Variants in PADI3 observed in about 807,000 individuals in gnomAD.
PADI3 encodes the protein protein-arginine deiminase type-3.
PADI3 carries 53 observed loss-of-function variants against 71.5 expected under a neutral mutation model. That is an observed-to-expected ratio of 0.74 (90% CI 0.59 to 0.93). PADI3 has a LOEUF of 0.93. Among genes scored for constraint, PADI3 ranks in the 40% least tolerant of loss-of-function variants. The probability of loss-of-function intolerance (pLI) is 0.00; values close to 1 mark genes in which losing one functional copy is unlikely to be tolerated. For synonymous variants in PADI3, 361 were observed against 347.5 expected (o/e 1.04, Z -0.43); for missense variants, 821 against 868.0 (o/e 0.95, Z 0.68).
intron 15 of PADI3, among the ~76,000 whole-genome samples, chr1:17,281,442 C>A (rs1030630638): frequency 3.6e-5 from 1 of 27,598 alleles, no homozygotes; most frequent in Non-Finnish European, 9.0e-5. Flanking sequence ...ATCTTTTTTT[C>A]TTTTTTTCTT....
intron 3 of PADI3, among the ~76,000 whole-genome samples, chr1:17,264,427 G>A (rs6682638): frequency 0.093 from 14,069 of 151,584 alleles, 694 homozygotes; most frequent in South Asian, 0.2. Flanking sequence ...CCCAAGAAAT[G>A]AAACACTACC....
chr1:17,280,864 A>G (rs2100605765), intron 15 of PADI3, 68 bp downstream of exon 15: 1 of 1,574,566 alleles, frequency 6.4e-7, no homozygotes, highest in South Asian at 1.1e-5. Flanking sequence ...GAGAGGAAAA[A>G]TGTCTGGTCA....
chr1:17,278,889 C>T (rs1351173273), intron 13 of PADI3, among the ~76,000 whole-genome samples: 1 of 152,152 alleles, frequency 6.6e-6, no homozygotes, highest in Non-Finnish European at 1.5e-5. Flanking sequence ...TGTTTGCTAG[C>T]GTTAACTTCT....
chr1:17,268,806 C>T (rs767897908), intron 6 of PADI3, among the ~76,000 whole-genome samples: 2 of 151,574 alleles, frequency 1.3e-5, no homozygotes, highest in Non-Finnish European at 2.9e-5. Flanking sequence ...CGTGCCTGGC[C>T]GCTTATTTTT....
intron 1 of PADI3, among the ~76,000 whole-genome samples, chr1:17,257,752 T>C (rs532095814): frequency 2.6e-5 from 4 of 152,162 alleles, no homozygotes; most frequent in Non-Finnish European, 4.4e-5. Flanking sequence ...TGAGGGAAGA[T>C]GGGAAGCGGG....
At chr1:17,274,385 C>A (rs369663741) in intron 10 of PADI3, among the ~76,000 whole-genome samples, 1 of 152,220 alleles carries the variant, frequency 6.6e-6, no homozygotes, top group African/African-American at 2.4e-5. Context: ...GCAACCGGAG[C>A]GCCCCCTGCT....
rs1253055403 is a variant in PADI3 at position 17,283,726 on chromosome 1, G to C, written c.*647G>C. The C allele has an allele frequency of 6.6e-6, 1 of 152,292 alleles. No individual in the cohort carries two copies. The highest frequency in any genetic ancestry group is 2.1e-4 in the South Asian group (1 of 4,832). 9.4% of individuals were successfully genotyped at this position (152,292 alleles called of 1,614,324 possible). On this transcript the variant is annotated 3_prime_UTR_variant, in exon 16 of 16. Transcript: ENST00000375460. ...TGGAAGCAATGAGAGTTGTCCCTTA[G>C]CCTTATAAACTCCCCATGATCTGAC...
intron 1 of PADI3, among the ~76,000 whole-genome samples, chr1:17,256,431 G>T (rs1430133774): frequency 6.6e-6 from 1 of 152,234 alleles, no homozygotes; most frequent in Admixed American, 6.5e-5. Flanking sequence ...CCCTCGGCTT[G>T]CAGCCCCTCC....
chr1:17,251,207 G>T (rs1011013301), intron 1 of PADI3, among the ~76,000 whole-genome samples: 2 of 152,244 alleles, frequency 1.3e-5, no homozygotes, highest in African/African-American at 4.8e-5. Flanking sequence ...AGCCAGCAGA[G>T]GCTGGACAAC....
rs994482756 is a variant in PADI3, at chr1:17,265,583, G to A, written c.347-76G>A. ...AATGACTTGCCTTTGCTCAGCCCCA[G>A]ACAAGCCCTGAGATCAAGGCCTGCC... On this transcript the variant is annotated intron_variant, in intron 3 of 15. Transcript: ENST00000375460. The A allele has an allele frequency of 8.9e-5, 117 of 1,316,724 alleles. No individual in the cohort carries two copies. The African/African-American group carries it at 1.6e-3, about 18-fold the overall frequency. 81.6% of individuals were successfully genotyped at this position (1,316,724 alleles called of 1,614,324 possible).
In PADI3 at chr1:17,259,653, G is replaced by A. The variant is rs1275283999; in HGVS notation, c.168G>A (p.Met56Ile). 6.2e-7 allele frequency: 1 copy of A among 1,613,924 alleles called. No individual in the cohort carries two copies. The highest frequency in any genetic ancestry group is 2.2e-5 in the East Asian group (1 of 44,866). ...TGGACATCTACATCTCTCCCAACAT[G>A]GAGAGGGGCCGGGAGCGTGCAGACA... ...PGVDIYISPN[M>I]ERGRERADTR... The change falls in exon 2 of 16, where the codon ATG becomes ATA. Residue 56 changes from methionine (M) to isoleucine (I), a missense_variant. Met to Ile is a conservative substitution (Grantham distance 10). Transcript: ENST00000375460.
intron 2 of PADI3, among the ~76,000 whole-genome samples, chr1:17,261,556 T>A (rs2073103290): frequency 6.6e-6 from 1 of 152,250 alleles, no homozygotes; most frequent in Admixed American, 6.5e-5. Context: ...ACCTGCCCAC[T>A]GATAACAGTA....
intron 1 of PADI3, among the ~76,000 whole-genome samples, chr1:17,251,468 GATA>G (rs1413525898): frequency 6.6e-6 from 1 of 152,198 alleles, no homozygotes; most frequent in Non-Finnish European, 1.5e-5. Flanking sequence ...GCCTGGGGAT[GATA>G]ATAATATCAG....
intron 3 of PADI3, among the ~76,000 whole-genome samples, chr1:17,264,641 C>T (rs926577230): frequency 2.0e-5 from 3 of 152,134 alleles, no homozygotes; most frequent in Non-Finnish European, 4.4e-5. Flanking sequence ...TTGCGTTGGG[C>T]GTCTTTTGCC....
At chr1:17,257,694 G>C (rs2073045303) in intron 1 of PADI3, among the ~76,000 whole-genome samples, 1 of 152,246 alleles carries the variant, frequency 6.6e-6, no homozygotes, top group South Asian at 2.1e-4. Context: ...AGAGAATCAT[G>C]TTGGTGGAAG....
intron 9 of PADI3, 124 bp from the exon 10 acceptor site, chr1:17,273,216 G>A (rs1021977053): frequency 1.5e-6 from 1 of 687,936 alleles, no homozygotes; most frequent in Non-Finnish European, 2.4e-6. Flanking sequence ...CCGCCTCCAA[G>A]CACAAAACAT....
Position 17,276,600 on chromosome 1 carries a change from G to A in PADI3, c.1389G>A (p.Val463=). The A allele has an allele frequency of 1.2e-6, 2 of 1,614,176 alleles. No homozygotes were observed. Among genetic ancestry groups the A allele is most frequent in the Non-Finnish European group, 1.7e-6 (2 of 1,180,030 alleles). ...TGCAGCCCCCCGTGGAGCTCTTTGT[G>A]GACTGGTTGGCCGTGGGCCATGTGG... ...QKVQPPVELF[V]DWLAVGHVDE... The change falls in exon 12 of 16, where the codon GTG becomes GTA. Residue 463 remains valine (V), a synonymous_variant. Transcript: ENST00000375460.
At chr1:17,265,185 G>C (rs1014447314) in intron 3 of PADI3, among the ~76,000 whole-genome samples, 13 of 151,978 alleles carry the variant, frequency 8.6e-5, no homozygotes, top group African/African-American at 2.7e-4. Context: ...AGGGCTAAAT[G>C]TTAAGAAGGT....
chr1:17,271,191 A>G lies in PADI3; in HGVS notation c.1047+13A>G. On this transcript the variant is annotated intron_variant, in intron 9 of 15. Coordinates refer to ENST00000375460, the MANE Select transcript of PADI3 (RefSeq NM_016233.2). Reference sequence around the variant, plus strand: ...CCGCTGGATCCAGGTAACCACAGCCACTGGGCAGGGCCCAGCAAGGACGCC... The same window carrying G: ...CCGCTGGATCCAGGTAACCACAGCCGCTGGGCAGGGCCCAGCAAGGACGCC... The G allele has an allele frequency of 1.2e-6, 2 of 1,607,820 alleles. No individual in the cohort carries two copies. Among genetic ancestry groups the G allele is most frequent in the Non-Finnish European group, 1.7e-6 (2 of 1,175,892 alleles).
Sources: allele counts gnomAD v4.1 joint callset (sites outside exome capture counted in the v4.1 genomes callset), GRCh38; gene constraint gnomAD v4.1.1; transcripts MANE v1.5; gene names NCBI Gene and HGNC (gene_info 2026-07-23, HGNC 2026-07-21).